GOLGA7: variants seen among roughly 807,000 people sequenced by gnomAD.
The protein encoded by GOLGA7 is golgin subfamily A member 7.
A neutral mutation model predicts 21.1 loss-of-function variants in GOLGA7; 10 were observed. The observed-to-expected ratio is 0.47, with a 90% CI of 0.29 to 0.80. The LOEUF (loss-of-function observed/expected upper bound fraction) is 0.80. Ranked by LOEUF, GOLGA7 falls within the 30% of genes least tolerant of loss-of-function variation. The pLI is 0.08. For missense variants in GOLGA7, 114 were observed against 166.8 expected, an observed-to-expected ratio of 0.68 and a Z score of 1.74; for synonymous variants, 64 against 62.6, an observed-to-expected ratio of 1.02 and a Z score of -0.10.
At chr8:41,492,765 A>G (rs1466856493) in intron 1 of GOLGA7, among the ~76,000 whole-genome samples, 1 of 152,258 alleles carries the variant, frequency 6.6e-6, no homozygotes, top group Admixed American at 6.5e-5. Context: ...CTTCAAAATC[A>G]GAATATAAAG....
chr8:41,501,424 A>G (rs1216012949), intron 2 of GOLGA7, among the ~76,000 whole-genome samples: 3 of 151,752 alleles, frequency 2.0e-5, no homozygotes, highest in Non-Finnish European at 4.4e-5. Context: ...TTCTTGTGCC[A>G]GTAGAGATGA....
At position 41,490,858 on chromosome 8, in the gene GOLGA7, A is replaced by C; in HGVS notation, c.4A>C (p.Arg2=). 13 of 1,582,960 alleles carry C rather than the reference A, an allele frequency of 8.2e-6. No homozygotes were observed. The highest frequency in any genetic ancestry group is 1.1e-5 in the Non-Finnish European group (13 of 1,161,712). The change falls in exon 1 of 5, where the codon AGG becomes CGG. Residue 2 remains arginine (R), a synonymous_variant. Coordinates refer to ENST00000357743, the MANE Select transcript of GOLGA7 (RefSeq NM_001002296.2). M[R]PQQAPVSGKV... ...CGCGGGGTGTCCTGTCCTCGCCATG[A>C]GGCCGCAGCAGGCGCCGGTGTCCGG...
chr8:41,508,074 A>C (rs1371120378), intron 4 of GOLGA7, among the ~76,000 whole-genome samples: 1 of 152,238 alleles, frequency 6.6e-6, no homozygotes, highest in Non-Finnish European at 1.5e-5. Flanking sequence ...ATACAAATAG[A>C]TTAAATGATG....
chr8:41,496,992 A>C (rs1161490524), intron 1 of GOLGA7, among the ~76,000 whole-genome samples: 1 of 151,432 alleles, frequency 6.6e-6, no homozygotes, highest in Admixed American at 6.6e-5. Context: ...TGGTATTTTT[A>C]GTAGAGACGG....
rs1373868114 is a variant in GOLGA7 at position 41,490,777 on chromosome 8, G to A, written c.-78G>A. On this transcript the variant is annotated 5_prime_UTR_variant, in exon 1 of 5. Coordinates refer to ENST00000357743, the MANE Select transcript of GOLGA7 (RefSeq NM_001002296.2). ...GGGGGCGAGGGGCTGGCGGGTCAGA[G>A]TCCCGGGTCCAGGCCGGGGCTCTGA... is the stretch of plus-strand genomic sequence containing the variant. The A allele has an allele frequency of 1.7e-5, 13 of 767,410 alleles. No homozygotes were observed. Among genetic ancestry groups the A allele is most frequent in the East Asian group, 2.7e-5 (1 of 37,348 alleles). The allele number at this position is 767,410 out of a possible 1,614,324, so 47.5% of individuals were successfully genotyped here.
chr8:41,504,768 A>G (rs1419564294), intron 2 of GOLGA7, among the ~76,000 whole-genome samples: 1 of 152,240 alleles, frequency 6.6e-6, no homozygotes, highest in Non-Finnish European at 1.5e-5. Context: ...TCTTTATATG[A>G]AACAGGTAGA....
chr8:41,497,752 G>A (rs572050337), intron 2 of GOLGA7, 91 bp downstream of exon 2: 31 of 692,992 alleles, frequency 4.5e-5, no homozygotes, highest in Non-Finnish European at 6.6e-5. Flanking sequence ...GATAGTTGCC[G>A]TAAAATATTT....
chr8:41,504,135 A>AAAAC (rs1563419532), intron 2 of GOLGA7, among the ~76,000 whole-genome samples: 3 of 111,808 alleles, frequency 2.7e-5, no homozygotes, highest in Non-Finnish European at 3.8e-5. Flanking sequence ...AAAAAAAAAA[A>AAAAC]ACAAAACAAA....
chr8:41,507,820 C>G (rs1298029317), intron 4 of GOLGA7, among the ~76,000 whole-genome samples: 1 of 152,158 alleles, frequency 6.6e-6, no homozygotes, highest in African/African-American at 2.4e-5. Context: ...CGTGGTCTTC[C>G]TACAGAAAGT....
intron 2 of GOLGA7, among the ~76,000 whole-genome samples, chr8:41,499,703 T>C (rs191055199): frequency 2.6e-5 from 4 of 152,176 alleles, no homozygotes; most frequent in East Asian, 1.9e-4. Flanking sequence ...CACCTGTTTG[T>C]CTGCCTGCTG....
At chr8:41,507,171 A>T in intron 4 of GOLGA7, 50 bp downstream of exon 4, 2 of 778,968 alleles carry the variant, frequency 2.6e-6, no homozygotes, top group South Asian at 1.4e-5. Context: ...AGTTTAGAGG[A>T]TGCATGAATA....
At chr8:41,504,120 T>TAAAAAAAA (rs58682911) in intron 2 of GOLGA7, among the ~76,000 whole-genome samples, 185 of 116,010 alleles carry the variant, frequency 1.6e-3, no homozygotes, top group Middle Eastern at 4.1e-3. Context: ...TAGAGTATAA[T>TAAAAAAAA]AAAAAAAAAA....
intron 4 of GOLGA7, among the ~76,000 whole-genome samples, chr8:41,508,812 G>C (rs1806351243): frequency 6.6e-6 from 1 of 152,192 alleles, no homozygotes; most frequent in East Asian, 1.9e-4. Flanking sequence ...GTGTTCCCAA[G>C]GTCCAGGATG....
At chr8:41,503,999 T>C (rs1273017343) in intron 2 of GOLGA7, among the ~76,000 whole-genome samples, 3 of 147,104 alleles carry the variant, frequency 2.0e-5, no homozygotes, top group Non-Finnish European at 3.0e-5. Flanking sequence ...AGGGATAGCA[T>C]TGGGAGATAT....
rs199720920 is a variant in GOLGA7 at position 41,497,499 on chromosome 8, T to C, written c.112-10T>C. On this transcript the variant is annotated splice_polypyrimidine_tract_variant and intron_variant, in intron 1 of 4. Transcript: ENST00000357743. ...CAAAACTTAATTTTTAAATATTTTC[T>C]TCTCTACAGATTGATAGGCAGCAGT... The C allele has an allele frequency of 2.6e-4, 372 of 1,422,482 alleles. No homozygotes were observed. Among genetic ancestry groups the C allele is most frequent in the Middle Eastern group, 1.3e-3 (7 of 5,480 alleles). The allele number at this position is 1,422,482 out of a possible 1,614,324, so 88.1% of individuals were successfully genotyped here.
At chr8:41,504,120 T>TA (rs58682911) in intron 2 of GOLGA7, among the ~76,000 whole-genome samples, 13,714 of 120,934 alleles carry the variant, frequency 0.11, 790 homozygotes, top group Non-Finnish European at 0.13. Flanking sequence ...TAGAGTATAA[T>TA]AAAAAAAAAA....
At chr8:41,509,061 A>G (rs1806358159) in intron 4 of GOLGA7, among the ~76,000 whole-genome samples, 1 of 152,164 alleles carries the variant, frequency 6.6e-6, no homozygotes, top group African/African-American at 2.4e-5. Flanking sequence ...TTATTATCAC[A>G]TTGTTATTGT....
At chr8:41,501,902 A>G (rs1806159118) in intron 2 of GOLGA7, among the ~76,000 whole-genome samples, 1 of 152,232 alleles carries the variant, frequency 6.6e-6, no homozygotes, top group Non-Finnish European at 1.5e-5. Context: ...TACAATGGAA[A>G]TTGGTTGATC....
intron 1 of GOLGA7, among the ~76,000 whole-genome samples, chr8:41,493,268 A>G (rs79841689): frequency 0.014 from 2,131 of 152,282 alleles, 137 homozygotes; most frequent in Admixed American, 0.1. Context: ...TTTCTCTACT[A>G]CTTACCCTAG....
Sources: allele counts gnomAD v4.1 joint callset (sites outside exome capture counted in the v4.1 genomes callset), GRCh38; gene constraint gnomAD v4.1.1; transcripts MANE v1.5; gene names NCBI Gene and HGNC (gene_info 2026-07-23, HGNC 2026-07-21).